Variants in FAT1 observed in about 807,000 individuals in gnomAD.
FAT1 encodes protocadherin Fat 1.
FAT1 carries 171 observed loss-of-function variants against 329.8 expected under a neutral mutation model. The observed-to-expected ratio is 0.52, with a 90% CI of 0.46 to 0.59. The LOEUF (loss-of-function observed/expected upper bound fraction) is 0.59, where lower values mean the gene tolerates loss of function less well. FAT1 is among the 20% of genes least tolerant of loss of function. FAT1 has a pLI of 0.00. For synonymous variants in FAT1, 2,233 were observed against 2,228.6 expected (o/e 1.00, Z -0.06); for missense variants, 5,672 against 5,774.4 (o/e 0.98, Z 0.57).
At chr4:186,612,304 C>T (rs934109623) in intron 13 of FAT1, among the ~76,000 whole-genome samples, 9 of 152,048 alleles carry the variant, frequency 5.9e-5, no homozygotes, top group African/African-American at 1.9e-4. Context: ...TAATACAGTA[C>T]CTAACAAACC....
intron 2 of FAT1, among the ~76,000 whole-genome samples, chr4:186,698,183 C>T (rs541843552): frequency 1.2e-4 from 19 of 152,272 alleles, no homozygotes; most frequent in South Asian, 4.1e-4. Flanking sequence ...CAGATGATTA[C>T]GCTGGACTGT....
rs759318861 is a variant in FAT1, at chr4:186,596,669, A to T, written c.12871T>A (p.Ser4291Thr). The T allele has an allele frequency of 2.5e-6, 4 of 1,612,294 alleles. No individual in the cohort carries two copies. The highest frequency in any genetic ancestry group is 2.5e-6 in the Non-Finnish European group (3 of 1,178,918). The change falls in exon 25 of 27, where the codon TCT (serine) becomes ACT (threonine). Residue 4291 changes from serine (S) to threonine (T), a missense_variant. By Grantham distance (58) the Ser-to-Thr change is moderately conservative. Coordinates refer to ENST00000441802, the MANE Select transcript of FAT1 (RefSeq NM_005245.4). This position sits in a 1 kb window ranked among gnomAD's most constrained non-coding sequence, Gnocchi z 4.7. ...HPEFSTFNPESVHGHRKAVAV... is the reference protein window; with the variant it reads ...HPEFSTFNPETVHGHRKAVAV... ...ACTGCTTTTCGGTGCCCGTGCACAG[A>T]CTCGGGGTTAAAAGTGCTGAATTCG...
At chr4:186,648,395 A>G (rs778465956) in intron 3 of FAT1, among the ~76,000 whole-genome samples, 1 of 152,176 alleles carries the variant, frequency 6.6e-6, no homozygotes, top group Admixed American at 6.5e-5. Flanking sequence ...CCTTATATAC[A>G]CTAATATATG....
chr4:186,639,797 A>G lies in FAT1; in HGVS notation c.3581-14T>C. On this transcript the variant is annotated splice_polypyrimidine_tract_variant and intron_variant, in intron 3 of 26. Coordinates refer to ENST00000441802, the MANE Select transcript of FAT1 (RefSeq NM_005245.4). Reference sequence around the variant, plus strand: ...TTGTGATGAGACCTGTAAAATGATAACAGTTCATTAATCCTCACAAAATAA... The same window carrying G: ...TTGTGATGAGACCTGTAAAATGATAGCAGTTCATTAATCCTCACAAAATAA... 1 of 1,602,388 alleles carries G rather than the reference A, an allele frequency of 6.2e-7. No individual in the cohort carries two copies. Among genetic ancestry groups the G allele is most frequent in the South Asian group, 1.1e-5 (1 of 90,070 alleles).
At chr4:186,615,979 G>C (rs1194579632) in intron 11 of FAT1, among the ~76,000 whole-genome samples, 1 of 152,090 alleles carries the variant, frequency 6.6e-6, no homozygotes, top group South Asian at 2.1e-4. Flanking sequence ...CCCCGGCTCA[G>C]ACTCCTCTTT....
chr4:186,601,756 C>A (rs1237587880), intron 20 of FAT1: 1 of 181,380 alleles, frequency 5.5e-6, no homozygotes, highest in East Asian at 1.4e-4. Context: ...ATTTAAGAAA[C>A]CTTCTCAAGC....
At chr4:186,594,091 A>C (rs1738375342) in intron 26 of FAT1, among the ~76,000 whole-genome samples, 3 of 151,684 alleles carry the variant, frequency 2.0e-5, no homozygotes, top group Non-Finnish European at 4.4e-5. Flanking sequence ...TTTGAGACAG[A>C]GTCTCGCTCT....
upstream of FAT1, among the ~76,000 whole-genome samples, chr4:186,724,908 G>A (rs1561024902): frequency 3.9e-5 from 6 of 152,222 alleles, no homozygotes; most frequent in Admixed American, 3.3e-4. The surrounding 1 kb of genome is among the most constrained non-coding windows in gnomAD (Gnocchi z 5.3). Context: ...GAACGGCAGG[G>A]CAGTCAAGTG....
intron 1 of FAT1, among the ~76,000 whole-genome samples, chr4:186,717,753 A>G (rs1745283080): frequency 6.6e-6 from 1 of 152,216 alleles, no homozygotes; most frequent in Non-Finnish European, 1.5e-5. Flanking sequence ...CCTGGGAACG[A>G]CAAGACAGGA....
Position 186,621,346 on chromosome 4 carries a change from G to C in FAT1, c.5240C>G (p.Thr1747Ser), listed in dbSNP as rs1740038153. The change falls in exon 10 of 27, where the codon ACT becomes AGT. Residue 1747 changes from threonine to serine, a missense_variant. Physicochemically the swap from Thr to Ser is moderately conservative, Grantham distance 58 (BLOSUM62 1). Around this residue, in one of 2 missense-constraint regions of FAT1, gnomAD observed 3,966 missense variants for 3,915.2 expected, o/e 1.01. Transcript: ENST00000441802. The part of the protein sequence containing the change: ...IQGTNMAGLS[T>S]NTTVLVHLQD... ...CAAGTGAACTAGAACCGTTGTATTA[G>C]TGGACAAACCAGCCATGTTAGTTCC... 3.7e-6 allele frequency: 6 copies of C among 1,614,014 alleles called. No individual in the cohort carries two copies. Among genetic ancestry groups the C allele is most frequent in the East Asian group, 2.2e-5 (1 of 44,886 alleles).
chr4:186,721,637 T>C (rs908027324), intron 1 of FAT1, among the ~76,000 whole-genome samples: 2 of 152,218 alleles, frequency 1.3e-5, no homozygotes, highest in Non-Finnish European at 2.9e-5. Flanking sequence ...TTGATTTGGC[T>C]GATTGATTCT....
chr4:186,703,108 A>T (rs1427615980), intron 2 of FAT1, among the ~76,000 whole-genome samples: 1 of 152,088 alleles, frequency 6.6e-6, no homozygotes, highest in Non-Finnish European at 1.5e-5. Flanking sequence ...ATCTGTCAGA[A>T]CAGTTCACCA....
chr4:186,661,716 G>T (rs1440791281), intron 3 of FAT1, among the ~76,000 whole-genome samples: 1 of 152,114 alleles, frequency 6.6e-6, no homozygotes, highest in South Asian at 2.1e-4. Context: ...TCTGTGAGCC[G>T]CTCCAATAAA....
chr4:186,701,723 AG>A (rs1283884873), intron 2 of FAT1, among the ~76,000 whole-genome samples: 2 of 152,164 alleles, frequency 1.3e-5, no homozygotes, highest in Non-Finnish European at 2.9e-5. Flanking sequence ...CAGCAGGAGC[AG>A]GGATCCCAGG....
intron 3 of FAT1, among the ~76,000 whole-genome samples, chr4:186,646,799 C>T (rs111415620): frequency 1.1e-3 from 169 of 152,046 alleles, no homozygotes; most frequent in African/African-American, 4.0e-3. Context: ...TCCTGCTCCC[C>T]GTTCTCTGCT....
rs574774817 is a variant in FAT1 at position 186,597,535 on chromosome 4, A to G, written c.12368+147T>C. ...CTTGATAATTCATTTTAAAGAGTGA[A>G]AAGATTATAAATTATATAAGGGGCC... On this transcript the variant is annotated intron_variant, in intron 24 of 26. Transcript: ENST00000441802. The G allele has an allele frequency of 2.5e-5, 16 of 639,638 alleles. No individual in the cohort carries two copies. The East Asian group carries it at 4.4e-4, about 18-fold the overall frequency. 39.6% of individuals were successfully genotyped at this position (639,638 alleles called of 1,614,324 possible).
At chr4:186,601,864 AC>A (rs774036861) in intron 20 of FAT1, among the ~76,000 whole-genome samples, 9 of 152,250 alleles carry the variant, frequency 5.9e-5, no homozygotes, top group Admixed American at 1.3e-4. Flanking sequence ...TGACTAAATA[AC>A]AATTGAATTT....
At chr4:186,609,643 A>G (rs925657858) in intron 15 of FAT1, among the ~76,000 whole-genome samples, 158 bp downstream of exon 15, 6 of 152,162 alleles carry the variant, frequency 3.9e-5, no homozygotes, top group Admixed American at 1.3e-4. Context: ...ACAATTATTC[A>G]TAACAAAGTC....
intron 3 of FAT1, among the ~76,000 whole-genome samples, chr4:186,642,609 G>A (rs1306888812): frequency 6.6e-6 from 1 of 152,190 alleles, no homozygotes; most frequent in East Asian, 1.9e-4. Context: ...TATAGGCAGC[G>A]TGTGCCAGGT....
Sources: allele counts gnomAD v4.1 joint callset (sites outside exome capture counted in the v4.1 genomes callset), GRCh38; gene constraint gnomAD v4.1.1; regional missense constraint gnomAD v4.1.1; non-coding constraint Gnocchi (gnomAD v3.1); transcripts MANE v1.5; gene names NCBI Gene and HGNC (gene_info 2026-07-23, HGNC 2026-07-21).